The following NRXN1 variants were observed in gnomAD, a reference collection of about 807,000 sequenced individuals.
NRXN1 encodes neurexin-1.
A neutral mutation model predicts 150.9 loss-of-function variants in NRXN1; 39 were observed. The observed-to-expected ratio is 0.26, with a 90% CI of 0.20 to 0.34. NRXN1 has a LOEUF of 0.34. Among genes scored for constraint, NRXN1 ranks in the 10% least tolerant of loss-of-function variants. The pLI is 1.00. For synonymous variants in NRXN1, 924 were observed against 757.0 expected, an observed-to-expected ratio of 1.22 and a Z score of -3.62; for missense variants, 1,815 against 1,949.9, an observed-to-expected ratio of 0.93 and a Z score of 1.30.
At chr2:50,613,003 G>C (rs558094193) in intron 8 of NRXN1, among the ~76,000 whole-genome samples, 2 of 152,274 alleles carry the variant, frequency 1.3e-5, no homozygotes, top group South Asian at 2.1e-4. Context: ...CCGAGATCTA[G>C]AAGAAACTAG....
At chr2:50,322,135 A>G (rs1252482009) in intron 17 of NRXN1, among the ~76,000 whole-genome samples, 1 of 152,184 alleles carries the variant, frequency 6.6e-6, no homozygotes. Flanking sequence ...GTTACAATCA[A>G]AGAAGGTTCC....
At chr2:51,015,189 C>T (rs868727474) in intron 2 of NRXN1, among the ~76,000 whole-genome samples, 2 of 151,960 alleles carry the variant, frequency 1.3e-5, no homozygotes, top group Non-Finnish European at 2.9e-5. Flanking sequence ...GTCTCTCTCT[C>T]TCAATTTACT....
chr2:49,947,128 TC>T (rs1186946435), intron 21 of NRXN1, among the ~76,000 whole-genome samples: 2 of 151,896 alleles, frequency 1.3e-5, no homozygotes, highest in African/African-American at 4.8e-5. Context: ...TTTGTTTTTT[TC>T]CCCCCGGACC....
At chr2:51,013,019 C>G (rs778447647) in intron 2 of NRXN1, among the ~76,000 whole-genome samples, 2 of 151,988 alleles carry the variant, frequency 1.3e-5, no homozygotes, top group African/African-American at 2.4e-5. Context: ...TATAAACGGA[C>G]TGAGATGTAA....
chr2:51,027,255 G>A (rs1350949680), intron 2 of NRXN1, among the ~76,000 whole-genome samples: 1 of 152,202 alleles, frequency 6.6e-6, no homozygotes, highest in Non-Finnish European at 1.5e-5. Flanking sequence ...GAAGGGAGTA[G>A]TGTTGGTAGA....
chr2:50,137,288 A>G (rs1706567012), intron 18 of NRXN1, among the ~76,000 whole-genome samples: 1 of 152,190 alleles, frequency 6.6e-6, no homozygotes, highest in East Asian at 1.9e-4. Context: ...AGTGATGCAA[A>G]TGGTGTTCAC....
intron 17 of NRXN1, among the ~76,000 whole-genome samples, chr2:50,363,805 A>C (rs1161355557): frequency 6.6e-6 from 1 of 152,194 alleles, no homozygotes; most frequent in African/African-American, 2.4e-5. Flanking sequence ...TGTTTATTGC[A>C]ACACTATTCA....
At chr2:50,542,080 G>A (rs557547097) in intron 9 of NRXN1, among the ~76,000 whole-genome samples, 2 of 152,148 alleles carry the variant, frequency 1.3e-5, no homozygotes, top group East Asian at 1.9e-4. Context: ...TCAGGAGTTC[G>A]AGACCAGCCT....
Position 50,346,630 on chromosome 2 carries a change from T to C in NRXN1, c.3365-109660A>G. The C allele has an allele frequency of 2.6e-6, 4 of 1,563,206 alleles. No homozygotes were observed. Among genetic ancestry groups the C allele is most frequent in the Non-Finnish European group, 3.5e-6 (4 of 1,135,730 alleles). On this transcript the variant is annotated intron_variant, in intron 17 of 22. Coordinates refer to ENST00000401669, the MANE Select transcript of NRXN1 (RefSeq NM_001330078.2). This position sits in a 1 kb window ranked among gnomAD's most constrained non-coding sequence, Gnocchi z 5.0. Reference sequence around the variant, plus strand: ...TGAGCCTTAGGAGCCCAGGAGCGAGTGCAGGGTAGAAAGAGGGGAGCGAGG... The same window carrying C: ...TGAGCCTTAGGAGCCCAGGAGCGAGCGCAGGGTAGAAAGAGGGGAGCGAGG...
intron 5 of NRXN1, among the ~76,000 whole-genome samples, chr2:50,778,069 C>A (rs947103756): frequency 1.3e-5 from 2 of 152,104 alleles, no homozygotes; most frequent in Admixed American, 6.5e-5. Flanking sequence ...CTCCTCCCCC[C>A]CTTTTTTCTT....
chr2:50,505,361 C>T (rs1045224049), intron 13 of NRXN1, among the ~76,000 whole-genome samples: 12 of 152,176 alleles, frequency 7.9e-5, no homozygotes, highest in Non-Finnish European at 1.3e-4. Context: ...CTATCTACTT[C>T]ATAGGACTCT....
intron 21 of NRXN1, among the ~76,000 whole-genome samples, chr2:49,975,311 C>T: frequency 6.6e-6 from 1 of 151,680 alleles, no homozygotes; most frequent in East Asian, 1.9e-4. Context: ...TTTTCATTGC[C>T]CAGTTTTCAT....
rs894436010 is a variant in NRXN1, at chr2:51,027,913, G to A, written c.361C>T (p.Arg121Cys). The change falls in exon 2 of 23, where the codon CGC (arginine) becomes TGC (cysteine). Residue 121 changes from arginine to cysteine, a missense_variant. Transcript: ENST00000401669. ...DGAWHSVRIR[R>C]QFRNTTLFID... Reference sequence around the variant, plus strand: ...AAGAGCGTGGTGTTGCGGAACTGGCGGCGGATGCGCACGCTGTGCCAGGCG... The same window carrying A: ...AAGAGCGTGGTGTTGCGGAACTGGCAGCGGATGCGCACGCTGTGCCAGGCG... The A allele has an allele frequency of 6.2e-7, 1 of 1,608,316 alleles. No individual in the cohort carries two copies. The highest frequency in any genetic ancestry group is 8.5e-7 in the Non-Finnish European group (1 of 1,179,670).
At chr2:50,319,118 G>C (rs960762289) in intron 17 of NRXN1, among the ~76,000 whole-genome samples, 1 of 152,028 alleles carries the variant, frequency 6.6e-6, no homozygotes, top group East Asian at 1.9e-4. Context: ...GAGTTTAAAT[G>C]GGGGTTCTTT....
At chr2:50,808,634 A>G (rs1363993504) in intron 5 of NRXN1, among the ~76,000 whole-genome samples, 1 of 152,122 alleles carries the variant, frequency 6.6e-6, no homozygotes, top group African/African-American at 2.4e-5. Flanking sequence ...ACACAATCTA[A>G]GCATAGTGTT....
chr2:50,119,395 G>A (rs1703534185), intron 18 of NRXN1, among the ~76,000 whole-genome samples: 1 of 152,114 alleles, frequency 6.6e-6, no homozygotes, highest in South Asian at 2.1e-4. Context: ...AGATACGTAA[G>A]TGTGGATATA....
chr2:50,878,326 G>A (rs933389367), intron 5 of NRXN1, among the ~76,000 whole-genome samples: 4 of 151,858 alleles, frequency 2.6e-5, no homozygotes, highest in African/African-American at 7.3e-5. Flanking sequence ...GTGAGTAGAA[G>A]GCCCTGTGAA....
At chr2:49,981,929 G>A (rs1680056954) in intron 21 of NRXN1, among the ~76,000 whole-genome samples, 2 of 152,042 alleles carry the variant, frequency 1.3e-5, no homozygotes, top group Admixed American at 1.3e-4. Flanking sequence ...CAAAGTGTCT[G>A]GACCCACCCT....
At chr2:50,556,466 G>A (rs1668274275) in intron 8 of NRXN1, among the ~76,000 whole-genome samples, 2 of 149,820 alleles carry the variant, frequency 1.3e-5, no homozygotes, top group East Asian at 3.9e-4. Flanking sequence ...CACTCATTTG[G>A]ATCTGTTTAT....
Sources: allele counts gnomAD v4.1 joint callset (sites outside exome capture counted in the v4.1 genomes callset), GRCh38; gene constraint gnomAD v4.1.1; non-coding constraint Gnocchi (gnomAD v3.1); transcripts MANE v1.5; gene names NCBI Gene and HGNC (gene_info 2026-07-23, HGNC 2026-07-21).